The following SYT2 variants were observed in gnomAD, a reference collection of about 807,000 sequenced individuals.
SYT2 encodes synaptotagmin-2.
SYT2 carries 15 observed loss-of-function variants against 39.9 expected under a neutral mutation model. That is an observed-to-expected ratio of 0.38 (90% CI 0.25 to 0.58). The LOEUF (loss-of-function observed/expected upper bound fraction) is 0.58, where lower values mean the gene tolerates loss of function less well. Among genes scored for constraint, SYT2 ranks in the 20% least tolerant of loss-of-function variants. The pLI is 0.70. For missense variants in SYT2, 389 were observed against 530.3 expected (o/e 0.73, Z 2.62); for synonymous variants, 181 against 204.5 (o/e 0.89, Z 0.98).
chr1:202,600,088 A>G (rs921564285), intron 7 of SYT2, among the ~76,000 whole-genome samples: 2 of 152,130 alleles, frequency 1.3e-5, no homozygotes, highest in African/African-American at 4.8e-5. Flanking sequence ...CTAAGTCACA[A>G]ACTTATCTGG....
intron 2 of SYT2, chr1:202,605,368 T>C (rs1485045827): frequency 1.3e-5 from 5 of 398,222 alleles, no homozygotes; most frequent in Non-Finnish European, 2.3e-5. Context: ...TATAAGAACT[T>C]TTCTTCCCCT....
intron 1 of SYT2, among the ~76,000 whole-genome samples, chr1:202,675,128 G>A (rs1267762699): frequency 6.6e-6 from 1 of 152,154 alleles, no homozygotes; most frequent in East Asian, 1.9e-4. Context: ...GACTGTGTAT[G>A]TGTGACCATA....
intron 1 of SYT2, among the ~76,000 whole-genome samples, chr1:202,693,538 G>T (rs1572683422): frequency 6.6e-6 from 1 of 152,156 alleles, no homozygotes; most frequent in Non-Finnish European, 1.5e-5. Context: ...TTCTAAGAAG[G>T]AAGCCACTGG....
At chr1:202,662,668 C>T (rs150217033) in intron 1 of SYT2, among the ~76,000 whole-genome samples, 324 of 152,296 alleles carry the variant, frequency 2.1e-3, no homozygotes, top group Admixed American at 3.7e-3. Flanking sequence ...CATTAAGAGA[C>T]GCTGTGTGTT....
At chr1:202,615,421 A>AC (rs1054189129) in intron 1 of SYT2, among the ~76,000 whole-genome samples, 21 of 151,584 alleles carry the variant, frequency 1.4e-4, no homozygotes, top group African/African-American at 2.7e-4. Flanking sequence ...ATGTGGGGTC[A>AC]CCCCCCCACA....
At chr1:202,696,449 T>G (rs1053972853) in intron 1 of SYT2, among the ~76,000 whole-genome samples, 1 of 152,204 alleles carries the variant, frequency 6.6e-6, no homozygotes, top group Non-Finnish European at 1.5e-5. Flanking sequence ...ATTAAGCACT[T>G]TTTACTTCAT....
At chr1:202,648,308 G>C (rs1446753437) in intron 1 of SYT2, among the ~76,000 whole-genome samples, 11 of 152,098 alleles carry the variant, frequency 7.2e-5, no homozygotes, top group Admixed American at 3.9e-4. Flanking sequence ...AGCCTCCCAA[G>C]TAGTTGGGAC....
chr1:202,603,099 G>A lies in SYT2; in HGVS notation c.365C>T (p.Thr122Ile), dbSNP rs1040495147. 3.1e-6 allele frequency: 5 copies of A among 1,614,000 alleles called. No homozygotes were observed. The highest frequency in any genetic ancestry group is 3.4e-6 in the Non-Finnish European group (4 of 1,180,026). Residue 122 changes from threonine (T) to isoleucine (I), a missense_variant, in exon 4 of 9, where the codon ACA (threonine) becomes ATA (isoleucine). Coordinates refer to ENST00000367268, the MANE Select transcript of SYT2 (RefSeq NM_177402.5). Reference sequence around the variant, plus strand: ...TTCACCTTCCCCCTCAGTCAGGCCTGTCTCTGCGTCGTCGTCATCCTGTGG... The same window carrying A: ...TTCACCTTCCCCCTCAGTCAGGCCTATCTCTGCGTCGTCGTCATCCTGTGG... ...KGGQDDDDAE[T>I]GLTEGEGEGE...
At chr1:202,647,327 T>C (rs1228394601) in intron 1 of SYT2, among the ~76,000 whole-genome samples, 2 of 151,526 alleles carry the variant, frequency 1.3e-5, no homozygotes, top group Non-Finnish European at 2.9e-5. Flanking sequence ...GAGGGAAGGG[T>C]CATGTTAGGA....
At chr1:202,683,024 G>A (rs191932993) in intron 1 of SYT2, among the ~76,000 whole-genome samples, 1 of 152,184 alleles carries the variant, frequency 6.6e-6, no homozygotes, top group Non-Finnish European at 1.5e-5. Flanking sequence ...CATCAGGGAA[G>A]TGCATGTTGA....
chr1:202,685,898 A>G (rs2149114794), intron 1 of SYT2, among the ~76,000 whole-genome samples: 1 of 152,200 alleles, frequency 6.6e-6, no homozygotes, highest in Non-Finnish European at 1.5e-5. Context: ...ACACAGTCTC[A>G]GAGGCTCTGG....
intron 1 of SYT2, among the ~76,000 whole-genome samples, chr1:202,648,749 T>C (rs1432856576): frequency 2.0e-5 from 3 of 152,116 alleles, no homozygotes; most frequent in Non-Finnish European, 4.4e-5. Context: ...GCTCCAGACA[T>C]ATAGAGAGGT....
At chr1:202,709,463 G>GGGGGAAGGAGCATAGGCA (rs1253854422) in intron 1 of SYT2, among the ~76,000 whole-genome samples, 29 of 152,330 alleles carry the variant, frequency 1.9e-4, no homozygotes, top group African/African-American at 6.3e-4. Context: ...CCCCAGAGGT[G>GGGGGAAGGAGCATAGGCA]GGGGAAGGAG....
intron 1 of SYT2, among the ~76,000 whole-genome samples, chr1:202,630,931 G>A (rs1691568373): frequency 1.3e-5 from 2 of 152,166 alleles, no homozygotes; most frequent in African/African-American, 2.4e-5. Flanking sequence ...TATGACCACT[G>A]GTGACAAACA....
intron 1 of SYT2, among the ~76,000 whole-genome samples, chr1:202,609,548 C>T (rs1235196079): frequency 5.3e-5 from 8 of 152,178 alleles, no homozygotes; most frequent in African/African-American, 1.7e-4. Context: ...CTCTCCAGCA[C>T]CTGTTGTTTC....
chr1:202,615,864 C>T (rs993519081), intron 1 of SYT2, among the ~76,000 whole-genome samples: 8 of 152,180 alleles, frequency 5.3e-5, no homozygotes, highest in African/African-American at 1.7e-4. Context: ...CACCATGGTC[C>T]GTGGTGCCTA....
chr1:202,637,490 T>C (rs999269675), intron 1 of SYT2, among the ~76,000 whole-genome samples: 6 of 152,188 alleles, frequency 3.9e-5, no homozygotes. Context: ...CCAGGCGCCA[T>C]GTGCTGGGGG....
intron 1 of SYT2, among the ~76,000 whole-genome samples, chr1:202,640,631 AGTG>A (rs1030088689): frequency 6.6e-6 from 1 of 152,060 alleles, no homozygotes; most frequent in African/African-American, 2.4e-5. Context: ...TGTGGCAGAG[AGTG>A]GGGAAGGGAG....
chr1:202,686,069 TC>T (rs1176800626), intron 1 of SYT2, among the ~76,000 whole-genome samples: 6 of 152,206 alleles, frequency 3.9e-5, no homozygotes, highest in African/African-American at 1.4e-4. Context: ...TGGATATCTG[TC>T]CCACTCAAAT....
Sources: gnomAD v4.1 joint callset for allele counts (sites outside exome capture counted in the v4.1 genomes callset) on GRCh38, gnomAD v4.1.1 for gene constraint, MANE v1.5 for transcripts, NCBI Gene and HGNC (gene_info 2026-07-23, HGNC 2026-07-21) for gene names.